Variants in NFILZ observed in about 807,000 individuals in gnomAD.
NFILZ encodes NFIL3 like basic leucine zipper, also known as NFIL3 like protein.
Position 8,667,428 on chromosome 19 carries a change from G to T in NFILZ, c.-163-7123G>T, listed in dbSNP as rs556045431. On this transcript the variant is annotated intron_variant, in intron 3 of 5. Coordinates refer to ENST00000691075, the MANE Select transcript of NFILZ (RefSeq NM_001378600.1). Reference sequence around the variant, plus strand: ...AACTACAGTCATCCCTTGATATCTGGGGGGGATTGGTTCTGGGGTCTCCCT... The same window carrying T: ...AACTACAGTCATCCCTTGATATCTGTGGGGGATTGGTTCTGGGGTCTCCCT... Among the ~76,000 whole-genome samples the T allele has an allele frequency of 2.8e-4, 42 of 152,050 alleles. 1 individual carries two copies. The highest frequency in any genetic ancestry group is 2.8e-3 in the Admixed American group (42 of 15,262).
At chr19:8,634,323 G>A (rs2042884908) in intron 2 of NFILZ, among the ~76,000 whole-genome samples, 1 of 151,750 alleles carries the variant, frequency 6.6e-6, no homozygotes, top group African/African-American at 2.4e-5. Flanking sequence ...TTGAGACAGG[G>A]TTTCACTCTG....
intron 3 of NFILZ, among the ~76,000 whole-genome samples, chr19:8,666,602 A>G (rs1277990728): frequency 1.3e-5 from 2 of 152,208 alleles, no homozygotes; most frequent in East Asian, 3.8e-4. Flanking sequence ...TAAGTCACTC[A>G]GTCAGTATCC....
intron 3 of NFILZ, among the ~76,000 whole-genome samples, chr19:8,658,943 C>A (rs2043017202): frequency 6.6e-6 from 1 of 151,906 alleles, no homozygotes; most frequent in South Asian, 2.1e-4. Flanking sequence ...GAGCAAGACC[C>A]TCTCTCTAAA....
At chr19:8,653,038 T>TTCTTTCTTTCTCTCTCCCTCTCTCTCTC (rs1555747925) in intron 3 of NFILZ, among the ~76,000 whole-genome samples, 6 of 90,590 alleles carry the variant, frequency 6.6e-5, no homozygotes, top group South Asian at 3.4e-4. Context: ...CTTTCTTTCT[T>TTCTTTCTTTCTCTCTCCCTCTCTCTCTC]TCTCTCTCTC....
At chr19:8,635,809 C>T (rs1555746040) in intron 3 of NFILZ, 63 bp downstream of exon 3, 1 of 152,034 alleles carries the variant, frequency 6.6e-6, no homozygotes, top group African/African-American at 2.4e-5. Flanking sequence ...CTGTCTCTGA[C>T]TTTCTCTTTC....
intron 3 of NFILZ, among the ~76,000 whole-genome samples, chr19:8,672,405 A>G (rs1161477368): frequency 6.6e-6 from 1 of 152,060 alleles, no homozygotes; most frequent in African/African-American, 2.4e-5. Flanking sequence ...AAAAATATTC[A>G]TGCATTTATG....
At chr19:8,637,185 G>A (rs1245957306) in intron 3 of NFILZ, among the ~76,000 whole-genome samples, 1 of 152,054 alleles carries the variant, frequency 6.6e-6, no homozygotes, top group Non-Finnish European at 1.5e-5. Context: ...CAGTGAGCTA[G>A]GACTGTGCAC....
At chr19:8,664,695 G>A (rs891698387) in intron 3 of NFILZ, among the ~76,000 whole-genome samples, 7 of 152,110 alleles carry the variant, frequency 4.6e-5, no homozygotes, top group Non-Finnish European at 1.0e-4. Flanking sequence ...CCTGGGCTGG[G>A]CTGCCCAGGG....
At chr19:8,656,385 C>CTTGTGCACAAAGCCAGTG (rs2042998452) in intron 3 of NFILZ, among the ~76,000 whole-genome samples, 24 of 134,072 alleles carry the variant, frequency 1.8e-4, no homozygotes, top group Admixed American at 2.9e-4. Context: ...TGAAGCCCAC[C>CTTGTGCACAAAGCCAGTG]TTCTCCCGCA....
chr19:8,631,867 T>TGTGTGG (rs782619560), intron 1 of NFILZ, among the ~76,000 whole-genome samples: 8 of 149,922 alleles, frequency 5.3e-5, no homozygotes, highest in African/African-American at 2.0e-4. Context: ...TGTGTGTGTG[T>TGTGTGG]TTTGTTTGTT....
At position 8,677,188 on chromosome 19, in the gene NFILZ, G is replaced by C. The variant is rs782730155; in HGVS notation, c.423G>C (p.Arg141Ser). The C allele has an allele frequency of 6.5e-6, 1 of 152,984 alleles. No homozygotes were observed. Among genetic ancestry groups the C allele is most frequent in the African/African-American group, 2.4e-5 (1 of 41,470 alleles). The allele number at this position is 152,984 out of a possible 1,614,324, so 9.5% of individuals were successfully genotyped here. Residue 141 changes from arginine (R) to serine (S), a missense_variant, in exon 6 of 6, where the codon AGG becomes AGC. Physicochemically the swap from Arg to Ser is moderately radical, Grantham distance 110 (BLOSUM62 -1). Coordinates refer to ENST00000691075, the MANE Select transcript of NFILZ (RefSeq NM_001378600.1). ...SLSGSHSCLL[R>S]PRSLDAGIPG... ...CTGGCTCTCACAGCTGCCTCTTAAG[G>C]CCACGTTCCCTGGATGCTGGGATTC...
rs1600158085 is a variant in NFILZ at position 8,678,078 on chromosome 19, A to ATTCT, written c.*444_*445insTCTT. ...CACCCATCTATTCATCCATCCATCA[A>ATTCT]TCCATCCATCCATTCCATCCATCCA... On this transcript the variant is annotated 3_prime_UTR_variant, in exon 6 of 6. Coordinates refer to ENST00000691075, the MANE Select transcript of NFILZ (RefSeq NM_001378600.1). 9.5e-4 allele frequency among the ~76,000 whole-genome samples: 3 copies of ATTCT among 3,144 alleles called. No individual in the cohort carries two copies. Among genetic ancestry groups the ATTCT allele is most frequent in the Admixed American group, 2.9e-3 (1 of 346 alleles). 2.1% of individuals were successfully genotyped at this position (3,144 alleles called of 152,430 possible).
At chr19:8,672,254 G>T (rs10425426) in intron 3 of NFILZ, among the ~76,000 whole-genome samples, 22,865 of 150,120 alleles carry the variant, frequency 0.15, 2,543 homozygotes, top group East Asian at 0.51. Context: ...AAATAATCCA[G>T]GCATTTATTA....
At chr19:8,650,350 A>G (rs1338959267) in intron 3 of NFILZ, among the ~76,000 whole-genome samples, 1 of 151,844 alleles carries the variant, frequency 6.6e-6, no homozygotes, top group Non-Finnish European at 1.5e-5. Context: ...CCCTACATGG[A>G]TGGGTATAAA....
At chr19:8,648,460 T>C (rs1366456856) in intron 3 of NFILZ, among the ~76,000 whole-genome samples, 2 of 152,128 alleles carry the variant, frequency 1.3e-5, no homozygotes, top group African/African-American at 4.8e-5. Flanking sequence ...GCCTCTGAAC[T>C]GTATGGACGC....
At chr19:8,648,735 C>T (rs1460821746) in intron 3 of NFILZ, among the ~76,000 whole-genome samples, 3 of 151,436 alleles carry the variant, frequency 2.0e-5, no homozygotes, top group African/African-American at 7.3e-5. Flanking sequence ...GCCTGTAATC[C>T]CAGCTACTTG....
Position 8,676,866 on chromosome 19 carries a change from A to T in NFILZ, c.101A>T (p.Glu34Val), listed in dbSNP as rs1268250337. The T allele has an allele frequency of 6.5e-6, 1 of 152,680 alleles. No homozygotes were observed. The highest frequency in any genetic ancestry group is 1.5e-5 in the Non-Finnish European group (1 of 68,296). The allele number at this position is 152,680 out of a possible 1,614,324, so 9.5% of individuals were successfully genotyped here. A position where few individuals can be genotyped will look rare whatever the true frequency, so the allele number is the denominator to read the frequency against. ...GGCCCCTCCATACGTCGCCAGCGGG[A>T]GTTCATGCCAGAAGAAAAGAAGGAC... Reference protein sequence around the residue: ...GRGPSIRRQREFMPEEKKDTV... With the variant: ...GRGPSIRRQRVFMPEEKKDTV... Residue 34 changes from glutamate (E) to valine (V), a missense_variant, in exon 6 of 6, where the codon GAG becomes GTG. Physicochemically the swap from Glu to Val is moderately radical, Grantham distance 121 (BLOSUM62 -2). Transcript: ENST00000691075.
intron 3 of NFILZ, among the ~76,000 whole-genome samples, chr19:8,654,366 C>T (rs2042982902): frequency 6.6e-6 from 1 of 151,012 alleles, no homozygotes; most frequent in Non-Finnish European, 1.5e-5. Context: ...GCCTGTAATC[C>T]CAGCACTTTG....
At chr19:8,648,598 A>G (rs1178817521) in intron 3 of NFILZ, among the ~76,000 whole-genome samples, 6 of 152,074 alleles carry the variant, frequency 3.9e-5, no homozygotes, top group Non-Finnish European at 5.9e-5. Flanking sequence ...CTGGCAGATC[A>G]CTTGAGGTCA....
Sources: allele counts gnomAD v4.1 joint callset (sites outside exome capture counted in the v4.1 genomes callset), GRCh38; gene constraint gnomAD v4.1.1; transcripts MANE v1.5; gene names NCBI Gene and HGNC (gene_info 2026-07-23, HGNC 2026-07-21).